Variants in EXOC2 observed in about 807,000 individuals in gnomAD.
The protein encoded by EXOC2 is exocyst complex component 2.
A neutral mutation model predicts 131.8 loss-of-function variants in EXOC2; 70 were observed. The observed-to-expected ratio is 0.53, with a 90% CI of 0.44 to 0.65. The LOEUF (loss-of-function observed/expected upper bound fraction) is 0.65. Among genes scored for constraint, EXOC2 ranks in the 30% least tolerant of loss-of-function variants. The pLI is 0.00. For synonymous variants in EXOC2, 411 were observed against 398.4 expected, an observed-to-expected ratio of 1.03 and a Z score of -0.38; for missense variants, 923 against 1,108.6, an observed-to-expected ratio of 0.83 and a Z score of 2.38.
intron 22 of EXOC2, among the ~76,000 whole-genome samples, chr6:543,952 T>C (rs1024304257): frequency 1.3e-5 from 2 of 152,252 alleles, no homozygotes; most frequent in African/African-American, 4.8e-5. Flanking sequence ...CATCCGTCAG[T>C]GATGGGTGAA....
At chr6:666,284 A>C (rs1173235934) in intron 1 of EXOC2, among the ~76,000 whole-genome samples, 1 of 152,222 alleles carries the variant, frequency 6.6e-6, no homozygotes, top group Admixed American at 6.5e-5. Context: ...TATTGACTGG[A>C]ATATATCAAA....
intron 21 of EXOC2, among the ~76,000 whole-genome samples, chr6:553,010 T>G (rs1470293844): frequency 6.6e-6 from 1 of 152,160 alleles, no homozygotes; most frequent in Admixed American, 6.5e-5. Context: ...CTTCTCCTCT[T>G]GGGCTGAAGC....
At chr6:525,180 T>G (rs1765677267) in intron 23 of EXOC2, 1 of 152,244 alleles carries the variant, frequency 6.6e-6, no homozygotes, top group African/African-American at 2.4e-5. Flanking sequence ...GTGGTAGTTC[T>G]AATTAAGAAA....
intron 1 of EXOC2, among the ~76,000 whole-genome samples, chr6:661,879 C>G (rs139400087): frequency 6.6e-6 from 1 of 152,164 alleles, no homozygotes; most frequent in African/African-American, 2.4e-5. Flanking sequence ...TAAGAACTCA[C>G]CAACCAACAA....
intron 4 of EXOC2, among the ~76,000 whole-genome samples, chr6:620,231 C>T (rs1324720488): frequency 1.3e-5 from 2 of 152,180 alleles, no homozygotes; most frequent in Non-Finnish European, 2.9e-5. Flanking sequence ...GCTGGGATGC[C>T]AGATGTACCC....
At chr6:606,183 C>T (rs918383587) in intron 7 of EXOC2, among the ~76,000 whole-genome samples, 4 of 152,146 alleles carry the variant, frequency 2.6e-5, no homozygotes, top group African/African-American at 7.2e-5. Context: ...AACCAAACAC[C>T]GTATGTTCTC....
At chr6:490,993 G>T in intron 26 of EXOC2, 132 bp downstream of exon 26, 2 of 919,642 alleles carry the variant, frequency 2.2e-6, no homozygotes, top group South Asian at 1.5e-5. Flanking sequence ...AAGTGGCCTT[G>T]ACATAAACTT....
chr6:656,803 C>A, intron 1 of EXOC2: 1 of 1,605,892 alleles, frequency 6.2e-7, no homozygotes, highest in Non-Finnish European at 8.5e-7. Context: ...TCGTGGAGGC[C>A]GCCGGAACCC....
chr6:623,296 C>T (rs761358916), intron 4 of EXOC2, among the ~76,000 whole-genome samples: 7 of 152,214 alleles, frequency 4.6e-5, no homozygotes, highest in Admixed American at 6.5e-5. Flanking sequence ...CCGGATGCGT[C>T]GTTCCTTCAG....
chr6:634,066 GTT>G (rs1156698510), intron 2 of EXOC2, among the ~76,000 whole-genome samples: 2 of 79,258 alleles, frequency 2.5e-5, no homozygotes, highest in Non-Finnish European at 6.0e-5. Context: ...GACACTTGAC[GTT>G]TTCTTTTTTT....
Position 486,685 on chromosome 6 carries a change from T to A in EXOC2, c.2761A>T (p.Met921Leu). Residue 921 changes from methionine (M) to leucine (L), a missense_variant, in exon 28 of 28, where the codon ATG becomes TTG. Transcript: ENST00000230449. ...GTGGCAGATATTTATGTTTTCATCA[T>A]GGTTGAAGAAGCTGCTTGGAAACAG... is the stretch of plus-strand genomic sequence containing the variant. ...LTCFQAASST[M>L]MKT The A allele has an allele frequency of 1.2e-6, 2 of 1,614,158 alleles. No individual in the cohort carries two copies. Among genetic ancestry groups the A allele is most frequent in the Non-Finnish European group, 1.7e-6 (2 of 1,179,964 alleles).
intron 22 of EXOC2, among the ~76,000 whole-genome samples, chr6:548,359 C>T (rs1481402972): frequency 2.0e-5 from 3 of 152,172 alleles, no homozygotes; most frequent in Non-Finnish European, 2.9e-5. Flanking sequence ...CATTATCGTT[C>T]TCATTCTTTG....
chr6:566,390 C>T (rs778893452), intron 13 of EXOC2, among the ~76,000 whole-genome samples: 19 of 152,228 alleles, frequency 1.2e-4, no homozygotes, highest in Non-Finnish European at 2.2e-4. Context: ...CACACTGAGA[C>T]AGCAGCAGGT....
At chr6:570,035 G>C (rs1226661694) in intron 13 of EXOC2, among the ~76,000 whole-genome samples, 1 of 152,166 alleles carries the variant, frequency 6.6e-6, no homozygotes, top group Non-Finnish European at 1.5e-5. Flanking sequence ...GTCCATGTGT[G>C]GTGGGCCACT....
intron 1 of EXOC2, among the ~76,000 whole-genome samples, chr6:689,468 C>T (rs1195264277): frequency 6.6e-6 from 1 of 152,216 alleles, no homozygotes; most frequent in Non-Finnish European, 1.5e-5. Flanking sequence ...CACTTACCAG[C>T]CCCTGGGCCT....
chr6:654,229 T>C (rs1581634615), intron 1 of EXOC2, among the ~76,000 whole-genome samples: 2 of 152,300 alleles, frequency 1.3e-5, no homozygotes, highest in South Asian at 4.1e-4. Context: ...ATCTTGCAAG[T>C]CTTATTATTT....
chr6:649,132 C>A (rs1323650826), intron 1 of EXOC2, among the ~76,000 whole-genome samples: 1 of 152,162 alleles, frequency 6.6e-6, no homozygotes, highest in Non-Finnish European at 1.5e-5. Flanking sequence ...TCCAGTGATC[C>A]TCCTTCCTCA....
intron 6 of EXOC2, among the ~76,000 whole-genome samples, chr6:615,143 G>A (rs1760915900): frequency 1.3e-5 from 2 of 151,590 alleles, no homozygotes; most frequent in Non-Finnish European, 2.9e-5. Flanking sequence ...CCAAAATAAA[G>A]CAGAGACAGT....
At chr6:535,231 T>C (rs930089612) in intron 22 of EXOC2, among the ~76,000 whole-genome samples, 1 of 152,112 alleles carries the variant, frequency 6.6e-6, no homozygotes, top group African/African-American at 2.4e-5. Flanking sequence ...CCAGGCATGG[T>C]GGTGCGCATC....
Sources: allele counts gnomAD v4.1 joint callset (sites outside exome capture counted in the v4.1 genomes callset), GRCh38; gene constraint gnomAD v4.1.1; transcripts MANE v1.5; gene names NCBI Gene and HGNC (gene_info 2026-07-23, HGNC 2026-07-21).